The following ZSCAN31 variants were observed in gnomAD, a reference collection of about 807,000 sequenced individuals.
The protein encoded by ZSCAN31 is zinc finger and SCAN domain-containing protein 31.
Under a neutral mutation model 22.5 loss-of-function variants are expected in ZSCAN31, and 14 were observed. That is an observed-to-expected ratio of 0.62 (90% CI 0.41 to 0.97). The LOEUF is 0.97. Ranked by LOEUF, ZSCAN31 falls within the 50% of genes least tolerant of loss-of-function variation. The pLI is 0.00. For synonymous variants in ZSCAN31, 168 were observed against 169.8 expected, an observed-to-expected ratio of 0.99 and a Z score of 0.08; for missense variants, 424 against 483.4, an observed-to-expected ratio of 0.88 and a Z score of 1.15.
chr6:28,329,186 G>T (rs1763547784), intron 2 of ZSCAN31, 117 bp downstream of exon 2: 3 of 1,271,792 alleles, frequency 2.4e-6, no homozygotes, highest in Non-Finnish European at 1.1e-6. Flanking sequence ...AGGTTTAGGG[G>T]TAATTTGTTA....
At chr6:28,348,893 T>C (rs201848174) in intron 2 of ZSCAN31, among the ~76,000 whole-genome samples, 4 of 150,892 alleles carry the variant, frequency 2.7e-5, no homozygotes, top group Non-Finnish European at 5.9e-5. Context: ...TGTATACACA[T>C]GTCTTATATA....
intron 3 of ZSCAN31, among the ~76,000 whole-genome samples, 190 bp from the exon 4 acceptor site, chr6:28,327,044 A>G (rs886066189): frequency 1.3e-5 from 2 of 152,200 alleles, no homozygotes; most frequent in African/African-American, 4.8e-5. Flanking sequence ...CACTGCTAAA[A>G]TGGCTGGAGG....
At position 28,349,085 on chromosome 6, in the gene ZSCAN31, C is replaced by T; in HGVS notation, c.-371+4777G>A. Among the ~76,000 whole-genome samples the T allele has an allele frequency of 7.0e-6, 1 of 142,382 alleles. No homozygotes were observed. 93.4% of individuals were successfully genotyped at this position (142,382 alleles called of 152,430 possible). A position where few individuals can be genotyped will look rare whatever the true frequency, so the allele number is the denominator to read the frequency against. On this transcript the variant is annotated intron_variant, in intron 2 of 7. Transcript: ENST00000396838. The surrounding 1 kb of genome is among the most constrained non-coding windows in gnomAD (Gnocchi z 4.1). Reference sequence around the variant, plus strand: ...TATACATAGGTGTATATACATGTCTCATATACATAGGTGTATATACATGTC... The same window carrying T: ...TATACATAGGTGTATATACATGTCTTATATACATAGGTGTATATACATGTC...
Position 28,349,015 on chromosome 6 carries a change from G to C in ZSCAN31, c.-371+4847C>G, listed in dbSNP as rs1212918819. ...GTATATACATGTCTCATATACATAG[G>C]TGTATATACATGTCTCATATACATA... On this transcript the variant is annotated intron_variant, in intron 2 of 7. Coordinates refer to the ZSCAN31 transcript ENST00000396838. The surrounding 1 kb of genome is among the most constrained non-coding windows in gnomAD (Gnocchi z 4.1). Among the ~76,000 whole-genome samples, 5 of 123,862 alleles carry C rather than the reference G, an allele frequency of 4.0e-5. No homozygotes were observed. Among genetic ancestry groups the C allele is most frequent in the Non-Finnish European group, 8.5e-5 (5 of 59,148 alleles). 81.3% of individuals were successfully genotyped at this position (123,862 alleles called of 152,430 possible). A position where few individuals can be genotyped will look rare whatever the true frequency, so the allele number is the denominator to read the frequency against.
chr6:28,329,233 C>G (rs1043216766), intron 2 of ZSCAN31, 70 bp downstream of exon 2: 2 of 1,516,764 alleles, frequency 1.3e-6, no homozygotes, highest in African/African-American at 2.8e-5. Context: ...TATAGCCAAC[C>G]AACCTGTGTC....
chr6:28,326,279 G>A lies in ZSCAN31; in HGVS notation c.1108C>T (p.Leu370Phe). 1 of 1,613,774 alleles carries A rather than the reference G, an allele frequency of 6.2e-7. No homozygotes were observed. The highest frequency in any genetic ancestry group is 8.5e-7 in the Non-Finnish European group (1 of 1,179,890). ...FIQNAGLFQH[L>F]RVHTGEKPYQ... ...GGTTTCTCACCAGTGTGGACTCGGA[G>A]ATGCTGGAAAAGCCCTGCATTCTGA... Residue 370 changes from leucine to phenylalanine, a missense_variant, in exon 4 of 4, where the codon CTC becomes TTC. Leu to Phe is a conservative substitution (Grantham distance 22). Coordinates refer to ENST00000344279, the MANE Select transcript of ZSCAN31 (RefSeq NM_030899.5).
chr6:28,341,827 A>C (rs1581695421), intron 2 of ZSCAN31: 3 of 152,366 alleles, frequency 2.0e-5, no homozygotes, highest in Admixed American at 2.0e-4. Context: ...GGTAGCTTAC[A>C]ACCTGCATAA....
At chr6:28,342,028 A>G (rs1764435252) in intron 2 of ZSCAN31, among the ~76,000 whole-genome samples, 1 of 152,194 alleles carries the variant, frequency 6.6e-6, no homozygotes, top group South Asian at 2.1e-4. Context: ...CCACAGATGC[A>G]TTGGAAGAAG....
At chr6:28,350,015 A>C (rs1163300876) in intron 2 of ZSCAN31, 2 of 152,192 alleles carry the variant, frequency 1.3e-5, no homozygotes, top group Admixed American at 6.6e-5. Context: ...GTTAAATCTC[A>C]TCCCGCGGCT....
intron 2 of ZSCAN31, among the ~76,000 whole-genome samples, chr6:28,328,063 A>C (rs9461453): frequency 0.036 from 5,470 of 152,294 alleles, 243 homozygotes; most frequent in African/African-American, 0.1. Context: ...AAAGGGGAGG[A>C]AGTGTGCGAA....
chr6:28,346,154 A>AT (rs1764633068), intron 2 of ZSCAN31, among the ~76,000 whole-genome samples: 1 of 151,918 alleles, frequency 6.6e-6, no homozygotes, highest in African/African-American at 2.4e-5. Context: ...TGCCACACAG[A>AT]TTTTTTTGCC....
rs1262557835 is a variant in ZSCAN31, at chr6:28,351,630, C to T, written c.-371+2232G>A. Among the ~76,000 whole-genome samples, 1 of 150,548 alleles carries T rather than the reference C, an allele frequency of 6.6e-6. No homozygotes were observed. Among genetic ancestry groups the T allele is most frequent in the African/African-American group, 2.4e-5 (1 of 40,834 alleles). ...TTCCACTCTCTTTCCTTCCCTTCTC[C>T]TCCTCCTTCCCTTTTGTCTCCCTCC... On this transcript the variant is annotated intron_variant, in intron 2 of 7. Coordinates refer to the ZSCAN31 transcript ENST00000396838. The surrounding 1 kb of genome is among the most constrained non-coding windows in gnomAD (Gnocchi z 4.6).
Position 28,329,381 on chromosome 6 carries a change from C to T in ZSCAN31, c.303G>A (p.Glu101=). ...CCTCCTCCCCACTCTCCGGATGGTG[C>T]TCCCGCACCCAGGCCTGGAGCTCCT... is the stretch of plus-strand genomic sequence containing the variant. ...LPEELQAWVR[E]HHPESGEEAV... Residue 101 remains glutamate (E), a synonymous_variant, in exon 2 of 4, where the codon GAG becomes GAA. Coordinates refer to ENST00000344279, the MANE Select transcript of ZSCAN31 (RefSeq NM_030899.5). 5 of 1,614,132 alleles carry T rather than the reference C, an allele frequency of 3.1e-6. No individual in the cohort carries two copies. The highest frequency in any genetic ancestry group is 4.2e-6 in the Non-Finnish European group (5 of 1,179,994).
chr6:28,348,694 A>G (rs920323706), intron 2 of ZSCAN31, among the ~76,000 whole-genome samples: 1 of 152,136 alleles, frequency 6.6e-6, no homozygotes, highest in African/African-American at 2.4e-5. Flanking sequence ...TTGTTTTAAA[A>G]ATGTCTCGGA....
At position 28,347,538 on chromosome 6, in the gene ZSCAN31, G is replaced by GTATT. The variant is rs1246884313; in HGVS notation, c.-370-5750_-370-5747dup. ...CTTATCAACTTCCATTCCAGTTTAT[G>GTATT]TATTTATTTATTCTGCTTAATTCTT... On this transcript the variant is annotated intron_variant, in intron 2 of 7. Transcript: ENST00000396838. This position sits in a 1 kb window ranked among gnomAD's most constrained non-coding sequence, Gnocchi z 5.2. 5.9e-5 allele frequency among the ~76,000 whole-genome samples: 9 copies of GTATT among 151,858 alleles called. No individual in the cohort carries two copies. The South Asian group carries it at 6.2e-4, about 11-fold the overall frequency.
At chr6:28,353,749 G>A in intron 2 of ZSCAN31, 1 of 445,822 alleles carries the variant, frequency 2.2e-6, no homozygotes. Flanking sequence ...TTCTGGGGAA[G>A]ACTGTGGATA....
chr6:28,338,819 T>C (rs1764299996), upstream of ZSCAN31, among the ~76,000 whole-genome samples: 1 of 152,250 alleles, frequency 6.6e-6, no homozygotes, highest in South Asian at 2.1e-4. Flanking sequence ...AAAAAGTTAA[T>C]GTAGCCATTC....
chr6:28,328,248 C>G (rs1250423624), intron 2 of ZSCAN31, among the ~76,000 whole-genome samples: 1 of 152,184 alleles, frequency 6.6e-6, no homozygotes, highest in Non-Finnish European at 1.5e-5. Flanking sequence ...TTTTTGAGAT[C>G]AACCGGTCTG....
Position 28,349,228 on chromosome 6 carries a change from G to T in ZSCAN31, c.-371+4634C>A. The stretch of plus-strand genomic sequence containing the variant: ...TGTATATATATGTCTCATATATATA[G>T]GTGTATATATATGTCTCATATATAT... On this transcript the variant is annotated intron_variant, in intron 2 of 7. Coordinates refer to the ZSCAN31 transcript ENST00000396838. The surrounding 1 kb of genome is among the most constrained non-coding windows in gnomAD (Gnocchi z 4.1). Among the ~76,000 whole-genome samples, 1 of 137,732 alleles carries T rather than the reference G, an allele frequency of 7.3e-6. No homozygotes were observed. Among genetic ancestry groups the T allele is most frequent in the Non-Finnish European group, 1.5e-5 (1 of 64,584 alleles). The allele number at this position is 137,732 out of a possible 152,430, so 90.4% of individuals were successfully genotyped here.
Sources: gnomAD v4.1 joint callset for allele counts (sites outside exome capture counted in the v4.1 genomes callset) on GRCh38, gnomAD v4.1.1 for gene constraint, Gnocchi (gnomAD v3.1) non-coding constraint, MANE v1.5 for transcripts, NCBI Gene and HGNC (gene_info 2026-07-23, HGNC 2026-07-21) for gene names.